ATP13A2: variants seen among roughly 807,000 people sequenced by gnomAD.
ATP13A2 encodes the protein polyamine-transporting ATPase 13A2.
ATP13A2 carries 83 observed loss-of-function variants against 138.3 expected under a neutral mutation model. That is an observed-to-expected ratio of 0.60 (90% confidence interval 0.50 to 0.72). The LOEUF (loss-of-function observed/expected upper bound fraction) is 0.72, where lower values mean the gene tolerates loss of function less well. ATP13A2 is among the 30% of genes least tolerant of loss of function. The pLI, the probability that ATP13A2 is intolerant of heterozygous loss-of-function variation, is 0.00. For synonymous variants in ATP13A2, 663 were observed against 699.0 expected (o/e 0.95, Z 0.81); for missense variants, 1,402 against 1,606.4 (o/e 0.87, Z 2.17).
chr1:16,997,569 C>T lies in ATP13A2; in HGVS notation c.1040-394G>A, dbSNP rs1259477590. Among the ~76,000 whole-genome samples, 6 of 152,188 alleles carry T rather than the reference C, an allele frequency of 3.9e-5. No homozygotes were observed. In the South Asian group the frequency reaches 6.2e-4, roughly 16 times the overall value. On this transcript the variant is annotated intron_variant, in intron 11 of 28. Coordinates refer to ENST00000326735, the MANE Select transcript of ATP13A2 (RefSeq NM_022089.4). ...AGAAATATTTACAAGGGGCCAGATG[C>T]GGTGGCTCACGCCTGTAATCCCAAC...
At chr1:16,996,937 C>T in intron 12 of ATP13A2, 83 bp downstream of exon 12, 1 of 1,531,240 alleles carries the variant, frequency 6.5e-7, no homozygotes, top group South Asian at 1.2e-5. Context: ...GTCCAGGGTT[C>T]CAGGTCCCAC....
intron 8 of ATP13A2, among the ~76,000 whole-genome samples, chr1:17,001,603 G>A (rs1197386464): frequency 2.6e-5 from 4 of 152,192 alleles, no homozygotes; most frequent in Non-Finnish European, 5.9e-5. Flanking sequence ...CTTTGTCCCT[G>A]TGTGACCTTG....
chr1:16,996,337 C>A, intron 13 of ATP13A2, 37 bp from the exon 14 acceptor site: 3 of 1,613,720 alleles, frequency 1.9e-6, no homozygotes, highest in Non-Finnish European at 2.5e-6. Context: ...GGATTTGGGA[C>A]CCAGGTGGGG....
rs781661852 is a variant in ATP13A2 at position 16,986,553 on chromosome 1, C to T, written c.3315G>A (p.Pro1105=). The change falls in exon 28 of 29, where the codon CCG becomes CCA. Residue 1105 remains proline (P), a synonymous_variant. Coordinates refer to ENST00000326735, the MANE Select transcript of ATP13A2 (RefSeq NM_022089.4). This position sits in a 1 kb window ranked among gnomAD's most constrained non-coding sequence, Gnocchi z 6.9. The part of the protein sequence containing the change: ...LVLVPGLLQG[P]LALRNITDTG... ...TGTCAGTGATGTTCCTCAGCGCCAG[C>T]GGCCCCTGCAGGAGGCCGGGGACCA... 6.8e-6 allele frequency: 11 copies of T among 1,612,206 alleles called. No homozygotes were observed. The highest frequency in any genetic ancestry group is 3.3e-5 in the Admixed American group (2 of 59,998).
Position 16,991,671 on chromosome 1 carries a change from T to C in ATP13A2, c.2251+63A>G, listed in dbSNP as rs539867718. 1.0e-4 allele frequency: 162 copies of C among 1,613,000 alleles called. No individual in the cohort carries two copies. The Middle Eastern group carries it at 1.3e-3, about 13-fold the overall frequency. ...CCCAAAAAGGAATCCCTGGTGCCCC[T>C]CTTCTCTGCCAGGAAGGGGCGGATT... On this transcript the variant is annotated intron_variant, in intron 20 of 28. Transcript: ENST00000326735.
chr1:17,002,021 G>A lies in ATP13A2; in HGVS notation c.705+13C>T, dbSNP rs766333405. On this transcript the variant is annotated intron_variant, in intron 8 of 28. Coordinates refer to ENST00000326735, the MANE Select transcript of ATP13A2 (RefSeq NM_022089.4). Reference sequence around the variant, plus strand: ...CCAGGCAGGGCTGGGGCAAGACCCAGGGACAGCCCTACCTCGTCCACCAGC... The same window carrying A: ...CCAGGCAGGGCTGGGGCAAGACCCAAGGACAGCCCTACCTCGTCCACCAGC... 2.5e-6 allele frequency: 4 copies of A among 1,605,532 alleles called. No individual in the cohort carries two copies. Among genetic ancestry groups the A allele is most frequent in the African/African-American group, 2.7e-5 (2 of 74,812 alleles).
In ATP13A2 at chr1:16,997,008, C is replaced by T. The variant is rs937100735; in HGVS notation, c.1195+12G>A. The T allele has an allele frequency of 6.2e-7, 1 of 1,610,622 alleles. No individual in the cohort carries two copies. The highest frequency in any genetic ancestry group is 8.5e-7 in the Non-Finnish European group (1 of 1,179,540). ...CCGGGATCTCTCTCAAGCCCAGCCT[C>T]CCGGCTCATACCTGTGCGGGTCACC... is the stretch of plus-strand genomic sequence containing the variant. On this transcript the variant is annotated intron_variant, in intron 12 of 28. Transcript: ENST00000326735.
chr1:16,993,608 T>C (rs1168537924), intron 16 of ATP13A2, 21 bp downstream of exon 16: 1 of 1,563,752 alleles, frequency 6.4e-7, no homozygotes, highest in Admixed American at 1.9e-5. Context: ...GGCAGGGGGC[T>C]GACCTGCTTG....
rs2076709309 is a variant in ATP13A2 at position 16,986,162 on chromosome 1, G to A, written c.*59C>T. 1.2e-6 allele frequency: 2 copies of A among 1,610,260 alleles called. No individual in the cohort carries two copies. The highest frequency in any genetic ancestry group is 1.7e-6 in the Non-Finnish European group (2 of 1,178,826). On this transcript the variant is annotated 3_prime_UTR_variant, in exon 29 of 29. Coordinates refer to ENST00000326735, the MANE Select transcript of ATP13A2 (RefSeq NM_022089.4). This position sits in a 1 kb window ranked among gnomAD's most constrained non-coding sequence, Gnocchi z 6.9. ...GTGGCGGTGGTGTTGCTGGAGAGGG[G>A]TCCAGTTGGTGGCTCAGAGGCAGGG...
At chr1:16,988,782 G>C (rs888035842) in intron 23 of ATP13A2, among the ~76,000 whole-genome samples, 2 of 151,990 alleles carry the variant, frequency 1.3e-5, no homozygotes, top group Admixed American at 1.3e-4. Flanking sequence ...ACAGACGCCC[G>C]CCACCACGCC....
At chr1:17,000,681 C>A in intron 8 of ATP13A2, 147 bp from the exon 9 acceptor site, 1 of 1,067,740 alleles carries the variant, frequency 9.4e-7, no homozygotes, top group South Asian at 1.7e-5. Flanking sequence ...ATCCCATCCC[C>A]ACCCAACCAG....
Position 17,011,777 on chromosome 1 carries a change from G to A in ATP13A2, c.-39C>T. 1.9e-5 allele frequency: 27 copies of A among 1,413,842 alleles called. No homozygotes were observed. Among genetic ancestry groups the A allele is most frequent in the Non-Finnish European group, 2.1e-5 (23 of 1,083,934 alleles). The allele number at this position is 1,413,842 out of a possible 1,614,324, so 87.6% of individuals were successfully genotyped here. ...GCTCATCGCCGGCCCCGGCGCTGCG[G>A]CCCTCGGCCTGGGCCCCGGCGTGCG... On this transcript the variant is annotated 5_prime_UTR_variant, in exon 1 of 29. Coordinates refer to ENST00000326735, the MANE Select transcript of ATP13A2 (RefSeq NM_022089.4). The surrounding 1 kb of genome is among the most constrained non-coding windows in gnomAD (Gnocchi z 7.3).
In ATP13A2 at chr1:16,986,306, C is replaced by T. The variant is rs772666861; in HGVS notation, c.3458G>A (p.Arg1153Gln). The change falls in exon 29 of 29, where the codon CGG becomes CAG. Residue 1153 changes from arginine (R) to glutamine (Q), a missense_variant. By Grantham distance (43) the Arg-to-Gln change is conservative. Transcript: ENST00000326735. This position sits in a 1 kb window ranked among gnomAD's most constrained non-coding sequence, Gnocchi z 6.9. ...CTGCTTGAAGCGCTTCTTGGAGGCC[C>T]GCTTGGGCCGGAGGCGGCGCAGGCA... is the stretch of plus-strand genomic sequence containing the variant. Reference protein sequence around the residue: ...PACLRRLRPKRASKKRFKQLE... With the variant: ...PACLRRLRPKQASKKRFKQLE... 14 of 1,594,276 alleles carry T rather than the reference C, an allele frequency of 8.8e-6. No homozygotes were observed. The highest frequency in any genetic ancestry group is 5.3e-5 in the African/African-American group (4 of 74,780).
chr1:16,997,242 G>T (rs2077163990), intron 11 of ATP13A2, 67 bp from the exon 12 acceptor site: 3 of 1,588,070 alleles, frequency 1.9e-6, no homozygotes, highest in Non-Finnish European at 2.6e-6. Context: ...CAGGAGTTCT[G>T]TGTAGAATTG....
Position 16,987,223 on chromosome 1 carries a change from A to G in ATP13A2, c.2906T>C (p.Val969Ala), listed in dbSNP as rs1432594817. 1.2e-5 allele frequency: 20 copies of G among 1,613,696 alleles called. No homozygotes were observed. The highest frequency in any genetic ancestry group is 1.7e-5 in the Non-Finnish European group (20 of 1,179,850). The part of the protein sequence containing the change: ...GDLQFLAIDL[V>A]ITTTVAVLMS... ...GAGCACTGCCACTGTGGTGGTGATG[A>G]CCAGGTCGATGGCCAGGAACTGCAG... Residue 969 changes from valine to alanine, a missense_variant, in exon 26 of 29, where the codon GTC becomes GCC. Transcript: ENST00000326735.
rs1388597727 is a variant in ATP13A2, at chr1:16,995,892, G to T, written c.1542+84C>A. On this transcript the variant is annotated intron_variant, in intron 15 of 28. Transcript: ENST00000326735. The surrounding 1 kb of genome is among the most constrained non-coding windows in gnomAD (Gnocchi z 4.1). ...GACCTGGCATCCTGTGGGTGCTGCTGAGAGAATAACGCGGGTGTGGAGGCC... is the reference window on the plus strand; with the variant it reads ...GACCTGGCATCCTGTGGGTGCTGCTTAGAGAATAACGCGGGTGTGGAGGCC... 2 of 1,534,484 alleles carry T rather than the reference G, an allele frequency of 1.3e-6. No homozygotes were observed. Among genetic ancestry groups the T allele is most frequent in the South Asian group, 1.1e-5 (1 of 87,298 alleles).
rs375485447 is a variant in ATP13A2 at position 16,986,453 on chromosome 1, C to T, written c.3405+10G>A. On this transcript the variant is annotated intron_variant, in intron 28 of 28. Coordinates refer to ENST00000326735, the MANE Select transcript of ATP13A2 (RefSeq NM_022089.4). This position sits in a 1 kb window ranked among gnomAD's most constrained non-coding sequence, Gnocchi z 6.9. ...TCTCTCCCGCTGCTGAGACCCAGGG[C>T]GGGCCCCACCTCCAGCATGAAGGCC... 30 of 1,611,292 alleles carry T rather than the reference C, an allele frequency of 1.9e-5. No homozygotes were observed. Among genetic ancestry groups the T allele is most frequent in the Middle Eastern group, 1.6e-4 (1 of 6,084 alleles).
At chr1:16,990,846 ACT>A (rs1268462937) in intron 20 of ATP13A2, among the ~76,000 whole-genome samples, 2 of 150,992 alleles carry the variant, frequency 1.3e-5, no homozygotes, top group African/African-American at 2.4e-5. Context: ...CTGCTGTGTG[ACT>A]CTGCTGCCAA....
intron 25 of ATP13A2, among the ~76,000 whole-genome samples, 165 bp from the exon 26 acceptor site, chr1:16,987,434 G>A (rs554163335): frequency 6.6e-6 from 1 of 152,306 alleles, no homozygotes; most frequent in South Asian, 2.1e-4. Context: ...AGGAGGTGCC[G>A]CTCTTGATGT....
Sources: gnomAD v4.1 joint callset for allele counts (sites outside exome capture counted in the v4.1 genomes callset) on GRCh38, gnomAD v4.1.1 for gene constraint, Gnocchi (gnomAD v3.1) non-coding constraint, MANE v1.5 for transcripts, NCBI Gene and HGNC (gene_info 2026-07-23, HGNC 2026-07-21) for gene names.